The following ZFHX3 variants were observed in gnomAD, a reference collection of about 807,000 sequenced individuals.
ZFHX3 encodes the protein zinc finger homeobox 3.
Under a neutral mutation model 279.1 loss-of-function variants are expected in ZFHX3, and 42 were observed. That is an observed-to-expected ratio of 0.15 (90% CI 0.12 to 0.19). The LOEUF is 0.19. Among genes scored for constraint, ZFHX3 ranks in the 10% least tolerant of loss-of-function variants. The pLI is 1.00. For synonymous variants in ZFHX3, 2,293 were observed against 1,957.8 expected, an observed-to-expected ratio of 1.17 and a Z score of -4.52; for missense variants, 4,981 against 4,754.0, an observed-to-expected ratio of 1.05 and a Z score of -1.40.
intron 4 of ZFHX3, among the ~76,000 whole-genome samples, chr16:73,277,313 T>G (rs1378899551): frequency 3.9e-5 from 6 of 152,214 alleles, no homozygotes; most frequent in Non-Finnish European, 8.8e-5. Flanking sequence ...CCGGGTTTAC[T>G]TAATACCAAC....
chr16:72,925,547 G>A lies in ZFHX3; in HGVS notation c.3216+24922C>T, dbSNP rs148741501. Among the ~76,000 whole-genome samples, 160 of 152,338 alleles carry A rather than the reference G, an allele frequency of 1.1e-3. 1 individual carries two copies. The Middle Eastern group carries it at 0.027, about 26-fold the overall frequency. On this transcript the variant is annotated intron_variant, in intron 3 of 9. Transcript: ENST00000268489. ...GGGGTCAAGGACAGGTGATCCTGAT[G>A]GTCACATTTCCCAGGTTTGCTAACA...
intron 5 of ZFHX3, among the ~76,000 whole-genome samples, chr16:73,250,578 G>T (rs1394547843): frequency 6.6e-6 from 1 of 152,042 alleles, no homozygotes; most frequent in Non-Finnish European, 1.5e-5. Context: ...CTGTCACCCA[G>T]GCTGGGGTGC....
chr16:72,935,078 T>C (rs971523817), intron 3 of ZFHX3, among the ~76,000 whole-genome samples: 3 of 152,258 alleles, frequency 2.0e-5, no homozygotes, highest in Non-Finnish European at 4.4e-5. Flanking sequence ...TATCTAGCTA[T>C]ATGTATGTGC....
intron 2 of ZFHX3, among the ~76,000 whole-genome samples, chr16:73,664,961 T>A (rs1353400642): frequency 6.6e-6 from 1 of 152,204 alleles, no homozygotes; most frequent in Non-Finnish European, 1.5e-5. Flanking sequence ...AGCAGCACAG[T>A]CATGGTCCAT....
intron 2 of ZFHX3, among the ~76,000 whole-genome samples, chr16:73,658,636 G>T (rs2052748096): frequency 6.6e-6 from 1 of 152,114 alleles, no homozygotes; most frequent in Admixed American, 6.6e-5. Flanking sequence ...TCATCCACTT[G>T]TATAGTCAGA....
upstream of ZFHX3, among the ~76,000 whole-genome samples, chr16:73,049,957 C>T (rs535362946): frequency 2.0e-4 from 31 of 152,304 alleles, no homozygotes; most frequent in Middle Eastern, 3.4e-3. Context: ...AGCAGGACCG[C>T]AAGCAACGTG....
chr16:73,364,754 C>T (rs953701131), intron 3 of ZFHX3, among the ~76,000 whole-genome samples: 4 of 152,158 alleles, frequency 2.6e-5, no homozygotes, highest in African/African-American at 4.8e-5. Flanking sequence ...ACCCTGCGAC[C>T]GTGTGGTTCC....
chr16:72,887,226 C>T (rs552221759), intron 4 of ZFHX3, among the ~76,000 whole-genome samples: 10 of 152,170 alleles, frequency 6.6e-5, no homozygotes, highest in East Asian at 3.9e-4. Flanking sequence ...TTAGGAGGGA[C>T]GCCTCCAGGA....
chr16:72,920,364 T>G (rs1354992722), intron 3 of ZFHX3, among the ~76,000 whole-genome samples: 2 of 152,128 alleles, frequency 1.3e-5, no homozygotes, highest in African/African-American at 4.8e-5. Context: ...GATTCCATTA[T>G]GATTAGGAAT....
intron 4 of ZFHX3, among the ~76,000 whole-genome samples, chr16:73,275,327 C>G (rs77912466): frequency 6.6e-6 from 1 of 152,168 alleles, no homozygotes; most frequent in Non-Finnish European, 1.5e-5. Flanking sequence ...GATAGGAAAT[C>G]TGTGTGTCTG....
intron 7 of ZFHX3, among the ~76,000 whole-genome samples, chr16:73,129,135 C>T (rs1966627366): frequency 6.6e-6 from 1 of 152,114 alleles, no homozygotes; most frequent in Admixed American, 6.6e-5. Context: ...CCTGTAATTC[C>T]AGCACTTTGG....
chr16:73,666,659 T>C (rs1464324380), intron 2 of ZFHX3, among the ~76,000 whole-genome samples: 2 of 151,978 alleles, frequency 1.3e-5, no homozygotes, highest in Admixed American at 1.3e-4. Flanking sequence ...CTCTTTTTAG[T>C]GTACGGGTGT....
At chr16:73,811,438 C>CTTTTTTTT (rs34134056) in intron 1 of ZFHX3, among the ~76,000 whole-genome samples, 4 of 106,568 alleles carry the variant, frequency 3.8e-5, no homozygotes, top group Non-Finnish European at 7.5e-5. Context: ...TCAGTCTCTT[C>CTTTTTTTT]TTTTTTTTTT....
chr16:73,593,403 TAAA>T (rs2052018529), intron 2 of ZFHX3, among the ~76,000 whole-genome samples: 1 of 151,958 alleles, frequency 6.6e-6, no homozygotes, highest in South Asian at 2.1e-4. Context: ...TAGCAACAAA[TAAA>T]AATGATAACA....
intron 3 of ZFHX3, among the ~76,000 whole-genome samples, chr16:73,402,898 A>T (rs987367250): frequency 1.2e-4 from 15 of 120,794 alleles, no homozygotes; most frequent in Non-Finnish European, 1.2e-4. Context: ...TATGGAAAAT[A>T]AAAAAAAAAA....
rs1233127197 is a variant in ZFHX3, at chr16:72,785,201, CAA to C, written c.*1961_*1962del. 1 of 152,664 alleles carries C rather than the reference CAA, an allele frequency of 6.6e-6. No individual in the cohort carries two copies. The highest frequency in any genetic ancestry group is 1.5e-5 in the Non-Finnish European group (1 of 68,044). The allele number at this position is 152,664 out of a possible 1,614,324, so 9.5% of individuals were successfully genotyped here. On this transcript the variant is annotated 3_prime_UTR_variant, in exon 10 of 10. Transcript: ENST00000268489. The stretch of plus-strand genomic sequence containing the variant: ...CTCCAAAATCTATGTTTTAGCAGCA[CAA>C]AGTTTTCAAAGTTCAGACCATTTAT...
chr16:73,862,378 T>C (rs189400613), intron 1 of ZFHX3, among the ~76,000 whole-genome samples: 46 of 152,354 alleles, frequency 3.0e-4, no homozygotes, highest in African/African-American at 1.1e-3. Flanking sequence ...AGTTCTTGGT[T>C]ACATGCTTGA....
intron 3 of ZFHX3, among the ~76,000 whole-genome samples, chr16:73,345,149 T>C (rs2016100487): frequency 6.6e-6 from 1 of 152,220 alleles, no homozygotes; most frequent in Admixed American, 6.5e-5. Context: ...AATCTTTTTA[T>C]ACGGAAATAT....
intron 2 of ZFHX3, among the ~76,000 whole-genome samples, chr16:73,534,847 G>C (rs946201307): frequency 1.3e-5 from 2 of 152,102 alleles, no homozygotes; most frequent in Non-Finnish European, 2.9e-5. Context: ...TGTACATAAG[G>C]AAACCTTTAG....
Sources: gnomAD v4.1 joint callset for allele counts (sites outside exome capture counted in the v4.1 genomes callset) on GRCh38, gnomAD v4.1.1 for gene constraint, MANE v1.5 for transcripts, NCBI Gene and HGNC (gene_info 2026-07-23, HGNC 2026-07-21) for gene names.